The following BRF1 variants were observed in gnomAD, a reference collection of about 807,000 sequenced individuals.
BRF1 encodes the protein BRF1 general transcription factor IIIB subunit.
In BRF1, 59 loss-of-function variants were observed where a neutral mutation model predicts 81.7. The ratio of observed to expected loss-of-function variants is 0.72; its 90% confidence interval spans 0.59 to 0.90. The LOEUF (loss-of-function observed/expected upper bound fraction) is 0.90. Among genes scored for constraint, BRF1 ranks in the 40% least tolerant of loss-of-function variants. The pLI is 0.00. For synonymous variants in BRF1, 491 were observed against 395.6 expected, an observed-to-expected ratio of 1.24 and a Z score of -2.86; for missense variants, 1,050 against 936.3, an observed-to-expected ratio of 1.12 and a Z score of -1.58.
At chr14:105,267,317 T>C (rs1200089113) in intron 3 of BRF1, among the ~76,000 whole-genome samples, 1 of 152,072 alleles carries the variant, frequency 6.6e-6, no homozygotes, top group Admixed American at 6.5e-5. Context: ...ACTTTTTTTT[T>C]TTTTTGAGAC....
chr14:105,260,517 A>G (rs1298502753), intron 3 of BRF1, among the ~76,000 whole-genome samples: 1 of 152,052 alleles, frequency 6.6e-6, no homozygotes, highest in Admixed American at 6.6e-5. Flanking sequence ...GACTACAGGC[A>G]TGCACCACCA....
Position 105,300,426 on chromosome 14 carries a change from CG to C in BRF1, c.184+19del. 1 of 1,509,554 alleles carries C rather than the reference CG, an allele frequency of 6.6e-7. No homozygotes were observed. Among genetic ancestry groups the C allele is most frequent in the Non-Finnish European group, 8.8e-7 (1 of 1,135,556 alleles). 93.5% of individuals were successfully genotyped at this position (1,509,554 alleles called of 1,614,324 possible). A position where few individuals can be genotyped will look rare whatever the true frequency, so the allele number is the denominator to read the frequency against. ...AAGCCGCACCGAGAAATCCGCGCAG[CG>C]CCAGCCCGCGGGACTCACCGTCCAG... On this transcript the variant is annotated intron_variant, in intron 1 of 17. Transcript: ENST00000547530.
chr14:105,217,924 C>T, intron 14 of BRF1, 124 bp from the exon 15 acceptor site: 2 of 1,397,978 alleles, frequency 1.4e-6, no homozygotes, highest in Non-Finnish European at 1.9e-6. Context: ...AGAAGGGCCG[C>T]TCCTGCCTCC....
At chr14:105,259,661 G>A (rs1024405416) in intron 3 of BRF1, among the ~76,000 whole-genome samples, 4 of 152,218 alleles carry the variant, frequency 2.6e-5, no homozygotes, top group Admixed American at 1.3e-4. Context: ...TGTAATCCCA[G>A]CACCTTGGGA....
intron 8 of BRF1, 86 bp from the exon 9 acceptor site, chr14:105,226,376 C>G (rs1008483631): frequency 5.7e-6 from 9 of 1,567,390 alleles, no homozygotes; most frequent in Admixed American, 5.1e-5. Flanking sequence ...GCCCCAGGGA[C>G]CACAGGCTGC....
At chr14:105,283,822 C>T (rs1174510910) in intron 2 of BRF1, among the ~76,000 whole-genome samples, 1 of 152,078 alleles carries the variant, frequency 6.6e-6, no homozygotes, top group East Asian at 1.9e-4. Context: ...ATCTTGAAGT[C>T]AGTAGAAGAA....
chr14:105,298,740 A>C (rs997697313), intron 1 of BRF1, among the ~76,000 whole-genome samples: 5 of 152,148 alleles, frequency 3.3e-5, no homozygotes, highest in African/African-American at 1.2e-4. Flanking sequence ...CTGTAATCCC[A>C]GGTACTTGGG....
chr14:105,299,020 A>C (rs1012381260), intron 1 of BRF1, among the ~76,000 whole-genome samples: 4 of 151,596 alleles, frequency 2.6e-5, no homozygotes, highest in Non-Finnish European at 5.9e-5. Flanking sequence ...AAATACAAAA[A>C]AAATTAGCCG....
chr14:105,312,304 C>G (rs1301321938), intron 1 of BRF1, among the ~76,000 whole-genome samples: 1 of 152,232 alleles, frequency 6.6e-6, no homozygotes, highest in Non-Finnish European at 1.5e-5. Flanking sequence ...CCTAGCCAAG[C>G]ATTCAGAACC....
intron 5 of BRF1, among the ~76,000 whole-genome samples, chr14:105,251,798 G>T (rs587705262): frequency 4.6e-5 from 7 of 152,044 alleles, no homozygotes; most frequent in African/African-American, 1.7e-4. Context: ...CAGAACCATC[G>T]GGCAGTGAGT....
rs1019509341 is a variant in BRF1, at chr14:105,284,410, G to A, written c.265+1886C>T. On this transcript the variant is annotated intron_variant, in intron 2 of 17. Coordinates refer to ENST00000547530, the MANE Select transcript of BRF1 (RefSeq NM_001519.4). This position sits in a 1 kb window ranked among gnomAD's most constrained non-coding sequence, Gnocchi z 4.0. ...CTACCCCTGCCAGCCTAGGTGTGTCGGTGCTGGCCACCCGTCGGCAGCAGC... is the reference window on the plus strand; with the variant it reads ...CTACCCCTGCCAGCCTAGGTGTGTCAGTGCTGGCCACCCGTCGGCAGCAGC... Among the ~76,000 whole-genome samples, 2 of 152,168 alleles carry A rather than the reference G, an allele frequency of 1.3e-5. No homozygotes were observed. Among genetic ancestry groups the A allele is most frequent in the Non-Finnish European group, 2.9e-5 (2 of 68,030 alleles).
intron 5 of BRF1, chr14:105,248,566 G>A: frequency 1.3e-6 from 1 of 775,366 alleles, no homozygotes; most frequent in Non-Finnish European, 1.5e-6. Context: ...GGCGGGTACG[G>A]GCTCGGGCGG....
At chr14:105,224,167 G>A (rs140464425) in intron 10 of BRF1, among the ~76,000 whole-genome samples, 2 of 152,300 alleles carry the variant, frequency 1.3e-5, no homozygotes, top group Admixed American at 1.3e-4. Flanking sequence ...TCAGGAGTTC[G>A]AGATCAGCCT....
chr14:105,289,574 G>A (rs2057440058), intron 1 of BRF1, among the ~76,000 whole-genome samples: 2 of 152,194 alleles, frequency 1.3e-5, no homozygotes, highest in South Asian at 4.1e-4. Context: ...GCCTCCCCAG[G>A]CTGAGCTCCA....
In BRF1 at chr14:105,306,949, G is replaced by A. The variant is rs149702340; in HGVS notation, c.-162+8373C>T. On this transcript the variant is annotated intron_variant, in intron 1 of 17. Transcript: ENST00000327359. Reference sequence around the variant, plus strand: ...TGGTGCTTTGACATCTTGGGGTCTCGTGGACCTAGAGAGGGACTCCCCTCC... The same window carrying A: ...TGGTGCTTTGACATCTTGGGGTCTCATGGACCTAGAGAGGGACTCCCCTCC... Among the ~76,000 whole-genome samples, 1,048 of 152,184 alleles carry A rather than the reference G, an allele frequency of 6.9e-3. 14 individuals carry two copies. The highest frequency in any genetic ancestry group is 0.024 in the African/African-American group (1,003 of 41,490).
At position 105,250,073 on chromosome 14, in the gene BRF1, A is replaced by C. The variant is rs759197834; in HGVS notation, c.544+2434T>G. ...AGCCCTCTATCTGGTCCGAATTCCA[A>C]CCATGACCCTAGAGGAGTTTGCCAA... is the stretch of plus-strand genomic sequence containing the variant. On this transcript the variant is annotated intron_variant, in intron 5 of 17. Coordinates refer to ENST00000547530, the MANE Select transcript of BRF1 (RefSeq NM_001519.4). 1.1e-5 allele frequency: 17 copies of C among 1,612,880 alleles called. No homozygotes were observed. In the Admixed American group the frequency reaches 2.8e-4, roughly 27 times the overall value.
intron 1 of BRF1, chr14:105,314,273 A>AG (rs1365875519): frequency 7.0e-4 from 77 of 109,842 alleles, no homozygotes; most frequent in African/African-American, 2.4e-3. Context: ...CGGCGAGGGC[A>AG]GGGGGGCGGG....
intron 1 of BRF1, among the ~76,000 whole-genome samples, chr14:105,294,063 C>T (rs1279532771): frequency 2.0e-5 from 3 of 152,128 alleles, no homozygotes; most frequent in Non-Finnish European, 2.9e-5. Context: ...CCTGTGATCA[C>T]CACTGTGACG....
chr14:105,213,797 T>C (rs940925517), intron 15 of BRF1, among the ~76,000 whole-genome samples: 6 of 152,130 alleles, frequency 3.9e-5, no homozygotes, highest in African/African-American at 1.4e-4. Context: ...AGAACCCGGC[T>C]GGAGAGAGGG....
Sources: gnomAD v4.1 joint callset for allele counts (sites outside exome capture counted in the v4.1 genomes callset) on GRCh38, gnomAD v4.1.1 for gene constraint, Gnocchi (gnomAD v3.1) non-coding constraint, MANE v1.5 for transcripts, NCBI Gene and HGNC (gene_info 2026-07-23, HGNC 2026-07-21) for gene names.